DTNA: variants seen among roughly 807,000 people sequenced by gnomAD.
DTNA encodes the protein dystrobrevin alpha.
In DTNA, 43 loss-of-function variants were observed where a neutral mutation model predicts 100.7. The observed-to-expected ratio is 0.43, with a 90% CI of 0.33 to 0.55. The LOEUF (loss-of-function observed/expected upper bound fraction) is 0.55. DTNA is among the 20% of genes least tolerant of loss of function. DTNA has a pLI of 0.04. For missense variants in DTNA, 798 were observed against 953.9 expected, an observed-to-expected ratio of 0.84 and a Z score of 2.15; for synonymous variants, 349 against 347.9, an observed-to-expected ratio of 1.00 and a Z score of -0.04.
chr18:34,644,237 A>C (rs1481897226), intron 1 of DTNA, among the ~76,000 whole-genome samples: 1 of 152,154 alleles, frequency 6.6e-6, no homozygotes, highest in Non-Finnish European at 1.5e-5. Flanking sequence ...TGCAGAAATA[A>C]AGGAGATAGC....
chr18:34,594,630 A>G (rs1266075218), intron 1 of DTNA, among the ~76,000 whole-genome samples: 1 of 152,228 alleles, frequency 6.6e-6, no homozygotes, highest in Non-Finnish European at 1.5e-5. Context: ...TGGATTTTTC[A>G]TTCAACTTTG....
intron 1 of DTNA, among the ~76,000 whole-genome samples, chr18:34,631,549 CAAAA>C (rs1224271564): frequency 6.6e-6 from 1 of 151,906 alleles, no homozygotes; most frequent in Non-Finnish European, 1.5e-5. Flanking sequence ...TTGCAGAAAA[CAAAA>C]AAGCAAATAG....
chr18:34,596,102 G>A (rs1240487263), intron 1 of DTNA, among the ~76,000 whole-genome samples: 1 of 152,148 alleles, frequency 6.6e-6, no homozygotes, highest in Non-Finnish European at 1.5e-5. Flanking sequence ...ATGCCCAAGG[G>A]CTTTTAAAAG....
intron 1 of DTNA, among the ~76,000 whole-genome samples, chr18:34,500,963 T>A (rs1223120267): frequency 6.6e-6 from 1 of 152,238 alleles, no homozygotes; most frequent in African/African-American, 2.4e-5. Context: ...TTTCTTGTCC[T>A]ATTGCACTGG....
chr18:34,566,142 A>C (rs573130027), intron 1 of DTNA, among the ~76,000 whole-genome samples: 2 of 152,342 alleles, frequency 1.3e-5, no homozygotes, highest in East Asian at 3.9e-4. Flanking sequence ...CTGTGTGAGA[A>C]GCGAAAAGAG....
chr18:34,665,002 G>C (rs191243729), intron 1 of DTNA, among the ~76,000 whole-genome samples: 1 of 148,832 alleles, frequency 6.7e-6, no homozygotes, highest in African/African-American at 2.5e-5. Flanking sequence ...TTTTTTTAAA[G>C]GTACTCATCT....
chr18:34,637,403 A>C (rs1400507172), intron 1 of DTNA, among the ~76,000 whole-genome samples: 2 of 152,194 alleles, frequency 1.3e-5, no homozygotes, highest in Non-Finnish European at 2.9e-5. Flanking sequence ...TTATGGGAAA[A>C]ATATATCTAT....
intron 11 of DTNA, among the ~76,000 whole-genome samples, chr18:34,833,884 G>A (rs894144851): frequency 6.6e-6 from 1 of 152,194 alleles, no homozygotes; most frequent in Non-Finnish European, 1.5e-5. Context: ...TAGAACAGAA[G>A]CAGCTTTAAT....
At chr18:34,540,845 A>C (rs1324884311) in intron 1 of DTNA, among the ~76,000 whole-genome samples, 1 of 152,072 alleles carries the variant, frequency 6.6e-6, no homozygotes, top group Non-Finnish European at 1.5e-5. Flanking sequence ...CAAGAATTTG[A>C]GATTTTATTG....
chr18:34,821,805 G>GA (rs575881173), intron 9 of DTNA, among the ~76,000 whole-genome samples: 36 of 152,264 alleles, frequency 2.4e-4, no homozygotes, highest in African/African-American at 8.4e-4. Flanking sequence ...TGGGTGACGG[G>GA]ACCTACCGGT....
intron 1 of DTNA, among the ~76,000 whole-genome samples, chr18:34,628,328 G>A (rs992594226): frequency 6.6e-6 from 1 of 152,174 alleles, no homozygotes; most frequent in African/African-American, 2.4e-5. Context: ...CTACTGAAAG[G>A]TTTTCAAATT....
At chr18:34,829,281 T>G in intron 10 of DTNA, 119 bp from the exon 11 acceptor site, 2 of 1,520,182 alleles carry the variant, frequency 1.3e-6, no homozygotes, top group Non-Finnish European at 1.8e-6. Flanking sequence ...TGGCCTACGG[T>G]TTCTGTTTTG....
chr18:34,640,229 C>T (rs1253332871), intron 1 of DTNA, among the ~76,000 whole-genome samples: 2 of 152,210 alleles, frequency 1.3e-5, no homozygotes, highest in African/African-American at 2.4e-5. Flanking sequence ...CATTACCTCT[C>T]TCAGCAACAG....
At chr18:34,525,896 A>G (rs1004772209) in intron 1 of DTNA, among the ~76,000 whole-genome samples, 1 of 152,194 alleles carries the variant, frequency 6.6e-6, no homozygotes, top group African/African-American at 2.4e-5. Flanking sequence ...ATAGATTGGT[A>G]TCATTTCCAC....
chr18:34,652,079 GAAAA>G, intron 1 of DTNA, among the ~76,000 whole-genome samples: 1 of 138,490 alleles, frequency 7.2e-6, no homozygotes, highest in Non-Finnish European at 1.5e-5. Flanking sequence ...AGAAAGAAAA[GAAAA>G]AAGGAAGGAA....
intron 1 of DTNA, among the ~76,000 whole-genome samples, chr18:34,494,432 C>G (rs1021150958): frequency 1.4e-4 from 21 of 151,940 alleles, no homozygotes; most frequent in African/African-American, 4.4e-4. Flanking sequence ...TTGCCCACTT[C>G]GAAGTTTTCT....
intron 1 of DTNA, among the ~76,000 whole-genome samples, chr18:34,581,275 A>AAC (rs373822377): frequency 0.088 from 12,593 of 142,294 alleles, 900 homozygotes; most frequent in African/African-American, 0.2. Context: ...AACAAAACAA[A>AAC]AAAACAAAAC....
At chr18:34,729,585 G>T (rs573259255) in intron 1 of DTNA, among the ~76,000 whole-genome samples, 1 of 152,308 alleles carries the variant, frequency 6.6e-6, no homozygotes, top group South Asian at 2.1e-4. Context: ...AAAATCAGAT[G>T]TAGGATTCAA....
intron 1 of DTNA, among the ~76,000 whole-genome samples, chr18:34,746,996 G>A (rs2147934149): frequency 6.6e-6 from 1 of 152,142 alleles, no homozygotes; most frequent in East Asian, 1.9e-4. Context: ...GAACCACTAA[G>A]AGTAGTTCTT....
Sources: allele counts gnomAD v4.1 joint callset (sites outside exome capture counted in the v4.1 genomes callset), GRCh38; gene constraint gnomAD v4.1.1; transcripts MANE v1.5; gene names NCBI Gene and HGNC (gene_info 2026-07-23, HGNC 2026-07-21).